The following CD200 variants were observed in gnomAD, a reference collection of about 807,000 sequenced individuals.
The protein encoded by CD200 is OX-2 membrane glycoprotein.
CD200 carries 15 observed loss-of-function variants against 30.9 expected under a neutral mutation model. The observed-to-expected ratio is 0.49, with a 90% CI of 0.32 to 0.75. The LOEUF is 0.75. Ranked by LOEUF, CD200 falls within the 30% of genes least tolerant of loss-of-function variation. CD200 has a pLI of 0.03. For missense variants in CD200, 262 were observed against 324.2 expected (o/e 0.81, Z 1.47); for synonymous variants, 134 against 126.2 (o/e 1.06, Z -0.41).
At chr3:112,335,847 A>G (rs2081103037) in intron 1 of CD200, 1 of 873,508 alleles carries the variant, frequency 1.1e-6, no homozygotes, top group Admixed American at 1.7e-5. Context: ...TCTGGTGCTC[A>G]ACACACACAA....
chr3:112,347,247 A>T (rs1255585481), intron 3 of CD200, among the ~76,000 whole-genome samples: 3 of 152,214 alleles, frequency 2.0e-5, no homozygotes, highest in African/African-American at 7.2e-5. Context: ...AATAATTAGG[A>T]CTGTTTGGGA....
At chr3:112,343,358 C>A (rs1487645537) in intron 2 of CD200, among the ~76,000 whole-genome samples, 1 of 152,004 alleles carries the variant, frequency 6.6e-6, no homozygotes, top group African/African-American at 2.4e-5. Flanking sequence ...GGCTGGAGTA[C>A]AGTGCTGCAA....
In CD200 at chr3:112,349,828, T is replaced by C. The variant is rs74696398; in HGVS notation, c.802+9T>C. 6 of 1,588,568 alleles carry C rather than the reference T, an allele frequency of 3.8e-6. No homozygotes were observed. In the African/African-American group the frequency reaches 8.1e-5, roughly 22 times the overall value. ...CCGGAATCAGGACCGAGGTGAGTTG[T>C]CACAGGGAGTTCAAAAAATGACATA... On this transcript the variant is annotated intron_variant, in intron 5 of 5. Transcript: ENST00000315711.
intron 1 of CD200, 174 bp downstream of exon 1, chr3:112,333,398 T>A: frequency 2.0e-6 from 2 of 985,416 alleles, no homozygotes; most frequent in African/African-American, 3.5e-5. Flanking sequence ...TTTCTCTTGC[T>A]GAGAAACGGA....
At chr3:112,338,793 A>G (rs775270584) in intron 1 of CD200, among the ~76,000 whole-genome samples, 10 of 152,208 alleles carry the variant, frequency 6.6e-5, no homozygotes, top group Non-Finnish European at 1.0e-4. Flanking sequence ...ATAACAATGT[A>G]CTTTTGTGAC....
intron 1 of CD200, among the ~76,000 whole-genome samples, chr3:112,339,257 G>A (rs1470001617): frequency 6.6e-6 from 1 of 152,094 alleles, no homozygotes; most frequent in Non-Finnish European, 1.5e-5. Flanking sequence ...GGAATACTAA[G>A]CAGAAAATAA....
intron 1 of CD200, among the ~76,000 whole-genome samples, chr3:112,336,775 A>G (rs1559779240): frequency 6.6e-6 from 1 of 152,132 alleles, no homozygotes; most frequent in Non-Finnish European, 1.5e-5. Flanking sequence ...GATTCAGTGG[A>G]TATTGAGGTT....
At chr3:112,357,216 G>A (rs1174439604) in intron 5 of CD200, among the ~76,000 whole-genome samples, 7 of 145,982 alleles carry the variant, frequency 4.8e-5, no homozygotes, top group African/African-American at 1.8e-4. Flanking sequence ...AGCAGAGATC[G>A]CGCCACTGCA....
Position 112,345,104 on chromosome 3 carries a change from C to T in CD200, c.237C>T (p.Ser79=), listed in dbSNP as rs777542962. ...AVSPENMVTF[S]ENHGVVIQPA... ...GCCCAGAAAACATGGTCACCTTCAGCGAGAACCATGGGGTGGTGATCCAGC... is the reference window on the plus strand; with the variant it reads ...GCCCAGAAAACATGGTCACCTTCAGTGAGAACCATGGGGTGGTGATCCAGC... The change falls in exon 3 of 6, where the codon AGC becomes AGT. Residue 79 remains serine (S), a synonymous_variant. Transcript: ENST00000315711. 5.6e-6 allele frequency: 9 copies of T among 1,613,924 alleles called. No homozygotes were observed. The highest frequency in any genetic ancestry group is 2.7e-5 in the African/African-American group (2 of 74,882).
intron 5 of CD200, among the ~76,000 whole-genome samples, chr3:112,358,954 C>T (rs112308903): frequency 6.9e-5 from 10 of 144,860 alleles, no homozygotes; most frequent in Non-Finnish European, 1.1e-4. Flanking sequence ...AGAAACAAAA[C>T]GAAAGTATAT....
chr3:112,350,360 T>A (rs1266207593), intron 5 of CD200, among the ~76,000 whole-genome samples: 1 of 152,218 alleles, frequency 6.6e-6, no homozygotes, highest in East Asian at 1.9e-4. Flanking sequence ...TATCACAGCA[T>A]CTTATATATA....
At chr3:112,359,143 GAT>G (rs1352320294) in intron 5 of CD200, among the ~76,000 whole-genome samples, 2 of 152,084 alleles carry the variant, frequency 1.3e-5, no homozygotes, top group Admixed American at 1.3e-4. Flanking sequence ...GAGGGAGAAA[GAT>G]ATATAGAAAC....
chr3:112,344,766 C>T, intron 2 of CD200, among the ~76,000 whole-genome samples, 196 bp from the exon 3 acceptor site: 1 of 152,178 alleles, frequency 6.6e-6, no homozygotes, highest in Non-Finnish European at 1.5e-5. Context: ...TGCTACTATT[C>T]TTTAAAGATT....
intron 5 of CD200, among the ~76,000 whole-genome samples, chr3:112,360,232 G>A (rs1028054895): frequency 1.3e-5 from 2 of 152,096 alleles, no homozygotes; most frequent in African/African-American, 2.4e-5. Flanking sequence ...GGAGGCTGAG[G>A]CAGGAGAATC....
chr3:112,352,281 T>C (rs908350140), intron 5 of CD200, among the ~76,000 whole-genome samples: 1 of 152,134 alleles, frequency 6.6e-6, no homozygotes, highest in African/African-American at 2.4e-5. Context: ...TCATAGAAGA[T>C]AGTGACACTT....
At chr3:112,347,427 G>A (rs2081423812) in intron 3 of CD200, 131 bp from the exon 4 acceptor site, 2 of 921,604 alleles carry the variant, frequency 2.2e-6, no homozygotes, top group Non-Finnish European at 3.3e-6. Context: ...AGTTTGGGTA[G>A]GATATGCCAT....
chr3:112,359,787 A>T (rs183628723), intron 5 of CD200, among the ~76,000 whole-genome samples: 4 of 152,336 alleles, frequency 2.6e-5, no homozygotes, highest in Admixed American at 2.6e-4. Context: ...ACAAATAAGG[A>T]TACTATTAAA....
chr3:112,342,009 A>T (rs1410684180), intron 2 of CD200, among the ~76,000 whole-genome samples: 1 of 151,972 alleles, frequency 6.6e-6, no homozygotes, highest in Non-Finnish European at 1.5e-5. Context: ...ATTGTGGGGG[A>T]GTTGCTTGTT....
intron 2 of CD200, among the ~76,000 whole-genome samples, chr3:112,343,460 C>T (rs4575866): frequency 0.11 from 16,790 of 151,906 alleles, 1,118 homozygotes; most frequent in South Asian, 0.27. Flanking sequence ...CATGACGCTA[C>T]GGCTGGCTAA....
Sources: gnomAD v4.1 joint callset for allele counts (sites outside exome capture counted in the v4.1 genomes callset) on GRCh38, gnomAD v4.1.1 for gene constraint, MANE v1.5 for transcripts, NCBI Gene and HGNC (gene_info 2026-07-23, HGNC 2026-07-21) for gene names.